CIT: variants seen among roughly 807,000 people sequenced by gnomAD.
CIT encodes the protein citron rho-interacting serine/threonine kinase.
Under a neutral mutation model 272.7 loss-of-function variants are expected in CIT, and 79 were observed. That is an observed-to-expected ratio of 0.29 (90% confidence interval 0.24 to 0.35). The LOEUF is 0.35. Among genes scored for constraint, CIT ranks in the 10% least tolerant of loss-of-function variants. The pLI, the probability that CIT is intolerant of heterozygous loss-of-function variation, is 1.00. For missense variants in CIT, 1,909 were observed against 2,618.3 expected (o/e 0.73, Z 5.91); for synonymous variants, 948 against 995.6 (o/e 0.95, Z 0.90).
intron 3 of CIT, among the ~76,000 whole-genome samples, chr12:119,865,455 ATGT>A (rs1310110008): frequency 3.9e-5 from 6 of 152,222 alleles, no homozygotes; most frequent in African/African-American, 9.6e-5. Context: ...AATATATTAA[ATGT>A]TGTTGACATT....
At chr12:119,806,835 A>T (rs1966639514) in intron 9 of CIT, among the ~76,000 whole-genome samples, 1 of 152,220 alleles carries the variant, frequency 6.6e-6, no homozygotes, top group Non-Finnish European at 1.5e-5. Flanking sequence ...CTTATCAAAG[A>T]ACATGACACT....
rs895660326 is a variant in CIT at position 119,823,189 on chromosome 12, G to A, written c.958-216C>T. Among the ~76,000 whole-genome samples the A allele has an allele frequency of 1.4e-4, 22 of 151,968 alleles. 1 individual carries two copies. Among genetic ancestry groups the A allele is most frequent in the Admixed American group, 9.2e-4 (14 of 15,234 alleles). ...CTTAGTTCCTTTGTAGGGGTTCAGC[G>A]TCCTCCATGGCTTGACCCCGGCTCC... On this transcript the variant is annotated intron_variant, in intron 8 of 47. Transcript: ENST00000392521.
chr12:119,721,746 T>G (rs1377456809), intron 28 of CIT, among the ~76,000 whole-genome samples: 1 of 152,126 alleles, frequency 6.6e-6, no homozygotes, highest in Non-Finnish European at 1.5e-5. Context: ...TTTTGGTACA[T>G]TAAGGTGAGG....
rs1957307615 is a variant in CIT, at chr12:119,713,935, T to C, written c.4306+262A>G. The C allele has an allele frequency of 3.3e-6, 2 of 604,860 alleles. No individual in the cohort carries two copies. Among genetic ancestry groups the C allele is most frequent in the Non-Finnish European group, 5.8e-6 (2 of 343,236 alleles). The allele number at this position is 604,860 out of a possible 1,614,324, so 37.5% of individuals were successfully genotyped here. A position where few individuals can be genotyped will look rare whatever the true frequency, so the allele number is the denominator to read the frequency against. On this transcript the variant is annotated intron_variant, in intron 33 of 47. Transcript: ENST00000392521. The surrounding 1 kb of genome is among the most constrained non-coding windows in gnomAD (Gnocchi z 5.2). Reference sequence around the variant, plus strand: ...GTTTCAGTTGGAGTCAGCGGAAAGGTAGGGAGAGACCAGCCTGACAAAAAG... The same window carrying C: ...GTTTCAGTTGGAGTCAGCGGAAAGGCAGGGAGAGACCAGCCTGACAAAAAG...
intron 9 of CIT, among the ~76,000 whole-genome samples, chr12:119,821,863 T>G (rs1448453343): frequency 6.6e-6 from 1 of 152,176 alleles, no homozygotes. Context: ...CAAGAAAGAT[T>G]TATGGAAATG....
intron 10 of CIT, among the ~76,000 whole-genome samples, chr12:119,799,708 A>G (rs377282479): frequency 9.6e-4 from 146 of 152,328 alleles, no homozygotes; most frequent in African/African-American, 3.4e-3. Context: ...AAACAAAAAC[A>G]TAAAACCAAC....
intron 2 of CIT, among the ~76,000 whole-genome samples, chr12:119,874,154 G>A (rs1382140171): frequency 1.3e-5 from 2 of 151,914 alleles, no homozygotes; most frequent in East Asian, 1.9e-4. Context: ...GACAACCTCC[G>A]CCTCCCGGGT....
chr12:119,693,216 T>C (rs1457180584), intron 46 of CIT, among the ~76,000 whole-genome samples: 2 of 152,168 alleles, frequency 1.3e-5, no homozygotes, highest in African/African-American at 4.8e-5. Context: ...TGACCCATAA[T>C]CTACCACATC....
intron 5 of CIT, among the ~76,000 whole-genome samples, chr12:119,844,964 C>A (rs1005084119): frequency 1.3e-5 from 2 of 151,858 alleles, no homozygotes; most frequent in Admixed American, 6.6e-5. Context: ...ACTAAAAATA[C>A]AAAAAATTAA....
chr12:119,713,185 C>CA lies in CIT; in HGVS notation c.4579+17_4579+18insT. ...GTTAGCCACGTGCAATGACCTTCCC[C>CA]CTGAATTATTAATTTACCTTCTCTG... On this transcript the variant is annotated intron_variant, in intron 35 of 47. Coordinates refer to ENST00000392521, the MANE Select transcript of CIT (RefSeq NM_001206999.2). The surrounding 1 kb of genome is among the most constrained non-coding windows in gnomAD (Gnocchi z 5.2). 6.2e-7 allele frequency: 1 copy of CA among 1,603,474 alleles called. No individual in the cohort carries two copies. The highest frequency in any genetic ancestry group is 8.5e-7 in the Non-Finnish European group (1 of 1,171,046).
At position 119,784,407 on chromosome 12, in the gene CIT, C is replaced by G. The variant is rs549800216; in HGVS notation, c.1402-356G>C. The G allele has an allele frequency of 1.6e-6, 2 of 1,225,406 alleles. No individual in the cohort carries two copies. The highest frequency in any genetic ancestry group is 3.1e-5 in the African/African-American group (2 of 63,936). 75.9% of individuals were successfully genotyped at this position (1,225,406 alleles called of 1,614,324 possible). On this transcript the variant is annotated intron_variant, in intron 11 of 47. Coordinates refer to ENST00000392521, the MANE Select transcript of CIT (RefSeq NM_001206999.2). The surrounding 1 kb of genome is among the most constrained non-coding windows in gnomAD (Gnocchi z 4.7). The stretch of plus-strand genomic sequence containing the variant: ...ATCCCAAATCCATCTTGATCCCCCC[C>G]CATCTCCTTGCAAAGATCTAGAGGA...
intron 2 of CIT, among the ~76,000 whole-genome samples, chr12:119,874,364 T>C (rs76415060): frequency 0.033 from 5,022 of 152,182 alleles, 122 homozygotes; most frequent in East Asian, 0.1. Flanking sequence ...CAACCTATTT[T>C]AAAGAATAGC....
chr12:119,767,238 A>C (rs1962556103), intron 18 of CIT, 56 bp from the exon 19 acceptor site: 2 of 1,288,938 alleles, frequency 1.6e-6, no homozygotes, highest in Non-Finnish European at 1.1e-6. Context: ...CCGCCAATGC[A>C]CGTTAGACAT....
rs1961723763 is a variant in CIT at position 119,761,057 on chromosome 12, T to C, written c.2305-2A>G. On this transcript the variant is annotated splice_acceptor_variant, in intron 19 of 47. Transcript: ENST00000392521. LOFTEE classifies it high-confidence loss of function. Reference sequence around the variant, plus strand: ...TTTCTTTATCTGATTGTCCAACACCTACAAAAACAAAAGCAGCAGCAAATG... The same window carrying C: ...TTTCTTTATCTGATTGTCCAACACCCACAAAAACAAAAGCAGCAGCAAATG... The C allele has an allele frequency of 6.2e-7, 1 of 1,602,730 alleles. No individual in the cohort carries two copies. The highest frequency in any genetic ancestry group is 8.5e-7 in the Non-Finnish European group (1 of 1,169,862).
At chr12:119,837,121 G>A (rs989678853) in intron 5 of CIT, among the ~76,000 whole-genome samples, 1 of 152,196 alleles carries the variant, frequency 6.6e-6, no homozygotes, top group African/African-American at 2.4e-5. Flanking sequence ...CCTTATCAAA[G>A]ATGCTAATCA....
chr12:119,769,075 CTT>C (rs10719345), intron 18 of CIT, among the ~76,000 whole-genome samples: 408 of 142,484 alleles, frequency 2.9e-3, no homozygotes, highest in African/African-American at 5.5e-3. Context: ...GATAATCATC[CTT>C]TTTTTTTTTT....
intron 19 of CIT, among the ~76,000 whole-genome samples, chr12:119,766,858 A>T (rs185351050): frequency 2.6e-5 from 4 of 152,068 alleles, no homozygotes; most frequent in Middle Eastern, 3.4e-3. Context: ...TGAAATTGAG[A>T]TAAATGATGA....
At chr12:119,780,603 C>T (rs539896284) in intron 13 of CIT, among the ~76,000 whole-genome samples, 120 of 151,948 alleles carry the variant, frequency 7.9e-4, no homozygotes, top group African/African-American at 2.8e-3. Flanking sequence ...GGTGACAGAG[C>T]GAGACTCCAT....
intron 10 of CIT, among the ~76,000 whole-genome samples, chr12:119,789,104 G>A (rs1299014507): frequency 6.6e-6 from 1 of 152,154 alleles, no homozygotes; most frequent in African/African-American, 2.4e-5. Context: ...AACACCTGAT[G>A]TATAGGCCCC....
Sources: gnomAD v4.1 joint callset for allele counts (sites outside exome capture counted in the v4.1 genomes callset) on GRCh38, gnomAD v4.1.1 for gene constraint, Gnocchi (gnomAD v3.1) non-coding constraint, MANE v1.5 for transcripts, NCBI Gene and HGNC (gene_info 2026-07-23, HGNC 2026-07-21) for gene names.